Variants in UBE2Q2 observed in about 807,000 individuals in gnomAD.
UBE2Q2 encodes ubiquitin conjugating enzyme E2 Q2.
A neutral mutation model predicts 59.9 loss-of-function variants in UBE2Q2; 54 were observed. The ratio of observed to expected loss-of-function variants is 0.90; its 90% CI spans 0.72 to 1.13. The LOEUF is 1.13. Among genes scored for constraint, UBE2Q2 ranks in the 50% most tolerant of loss-of-function variants. The pLI is 0.00. For synonymous variants in UBE2Q2, 165 were observed against 155.2 expected (o/e 1.06, Z -0.47); for missense variants, 433 against 441.9 (o/e 0.98, Z 0.18).
At chr15:75,863,171 T>TAG (rs1213475278) in intron 3 of UBE2Q2, among the ~76,000 whole-genome samples, 2 of 152,326 alleles carry the variant, frequency 1.3e-5, no homozygotes, top group East Asian at 3.9e-4. Flanking sequence ...TGTCTGAGTC[T>TAG]AGAGCCTCTT....
chr15:75,864,705 T>TG (rs1414143672), intron 3 of UBE2Q2, among the ~76,000 whole-genome samples: 1 of 152,222 alleles, frequency 6.6e-6, no homozygotes, highest in Non-Finnish European at 1.5e-5. Context: ...AAAGTTTTCT[T>TG]TATCTTGATT....
intron 1 of UBE2Q2, chr15:75,844,088 G>T: frequency 7.1e-7 from 1 of 1,416,672 alleles, no homozygotes; most frequent in South Asian, 1.5e-5. Context: ...GGGGCTTCTG[G>T]CCCATCTCGG....
rs151067108 is a variant in UBE2Q2 at position 75,880,753 on chromosome 15, C to G, written c.825+1565C>G. Among the ~76,000 whole-genome samples the G allele has an allele frequency of 3.4e-3, 520 of 152,208 alleles. 4 individuals are homozygous for G. The highest frequency in any genetic ancestry group is 0.012 in the African/African-American group (497 of 41,492). The stretch of plus-strand genomic sequence containing the variant: ...TGACCTCATGGTACACTTCCCTTGG[C>G]CTTCCAAAGTGCTGGGATTACAGGC... On this transcript the variant is annotated intron_variant, in intron 8 of 12. Coordinates refer to ENST00000267938, the MANE Select transcript of UBE2Q2 (RefSeq NM_173469.4).
intron 3 of UBE2Q2, among the ~76,000 whole-genome samples, chr15:75,865,825 G>T (rs1613718): frequency 6.7e-6 from 1 of 149,390 alleles, no homozygotes; most frequent in Non-Finnish European, 1.5e-5. Flanking sequence ...TTTTAACCTA[G>T]AAAGGGTTTA....
intron 9 of UBE2Q2, among the ~76,000 whole-genome samples, chr15:75,889,777 G>A (rs1349166022): frequency 6.6e-6 from 1 of 152,182 alleles, no homozygotes; most frequent in Non-Finnish European, 1.5e-5. Flanking sequence ...AACATTGAAG[G>A]AGAAATGAAA....
At chr15:75,848,353 C>G (rs970048415) in intron 1 of UBE2Q2, among the ~76,000 whole-genome samples, 3 of 152,148 alleles carry the variant, frequency 2.0e-5, no homozygotes, top group African/African-American at 7.2e-5. Context: ...AGGAAATAAA[C>G]CTGGACTAAG....
At chr15:75,856,269 G>GTGTATATATATATATATATATATA (rs1256142539) in intron 2 of UBE2Q2, among the ~76,000 whole-genome samples, 1 of 139,286 alleles carries the variant, frequency 7.2e-6, no homozygotes, top group African/African-American at 2.7e-5. Context: ...GTGTGTGTGT[G>GTGTATATATATATATATATATATA]TATATATATA....
intron 11 of UBE2Q2, 124 bp from the exon 12 acceptor site, chr15:75,896,871 T>G: frequency 2.0e-6 from 1 of 499,080 alleles, no homozygotes; most frequent in Non-Finnish European, 3.5e-6. Context: ...GTTAAAATTG[T>G]TTTTGAAATG....
intron 6 of UBE2Q2, among the ~76,000 whole-genome samples, chr15:75,877,743 A>G (rs574651047): frequency 8.5e-5 from 13 of 152,280 alleles, no homozygotes; most frequent in African/African-American, 2.6e-4. Context: ...CAGTTTTTCA[A>G]CTCATTAAAG....
At chr15:75,895,106 A>C (rs1899327306) in intron 11 of UBE2Q2, 1 of 151,814 alleles carries the variant, frequency 6.6e-6, no homozygotes, top group Non-Finnish European at 1.5e-5. Context: ...GAATGGCGTG[A>C]ACCCGGGAGG....
At chr15:75,850,276 A>G (rs1482325783) in intron 1 of UBE2Q2, among the ~76,000 whole-genome samples, 1 of 152,226 alleles carries the variant, frequency 6.6e-6, no homozygotes, top group Non-Finnish European at 1.5e-5. Context: ...CACTATCAGA[A>G]TTTTGTATCT....
chr15:75,847,290 G>C (rs1896402511), intron 1 of UBE2Q2, among the ~76,000 whole-genome samples: 1 of 152,180 alleles, frequency 6.6e-6, no homozygotes, highest in African/African-American at 2.4e-5. Context: ...AAAGTGCAGA[G>C]ATAACATCAA....
At chr15:75,860,273 T>C (rs923888934) in intron 3 of UBE2Q2, among the ~76,000 whole-genome samples, 2 of 152,204 alleles carry the variant, frequency 1.3e-5, no homozygotes, top group African/African-American at 4.8e-5. Context: ...AGTTTGTCTT[T>C]GGTTATTCAA....
chr15:75,846,272 G>A (rs904664818), intron 1 of UBE2Q2, among the ~76,000 whole-genome samples: 5 of 152,094 alleles, frequency 3.3e-5, no homozygotes, highest in African/African-American at 1.2e-4. Flanking sequence ...GAGTCTCGCT[G>A]TGTCGTCCCA....
intron 3 of UBE2Q2, among the ~76,000 whole-genome samples, chr15:75,861,377 C>T (rs1407158060): frequency 6.6e-6 from 1 of 152,220 alleles, no homozygotes; most frequent in Admixed American, 6.5e-5. Context: ...ATGGCTTTCT[C>T]TCTGGAAGCT....
At chr15:75,879,289 C>A in intron 8 of UBE2Q2, 101 bp downstream of exon 8, 2 of 637,908 alleles carry the variant, frequency 3.1e-6, no homozygotes, top group Non-Finnish European at 5.3e-6. Flanking sequence ...ATACTCATAC[C>A]CTATGGTTCA....
chr15:75,893,594 A>G (rs916047922), intron 11 of UBE2Q2, among the ~76,000 whole-genome samples: 34 of 152,306 alleles, frequency 2.2e-4, no homozygotes, highest in African/African-American at 7.7e-4. Flanking sequence ...ATAATAGACA[A>G]ATATAGACCT....
intron 1 of UBE2Q2, among the ~76,000 whole-genome samples, chr15:75,846,226 A>C (rs938635492): frequency 6.6e-6 from 1 of 152,088 alleles, no homozygotes; most frequent in Non-Finnish European, 1.5e-5. Context: ...TGAAGGTAAA[A>C]GACTCTTTTA....
intron 2 of UBE2Q2, among the ~76,000 whole-genome samples, chr15:75,856,275 A>G (rs1183048126): frequency 0.06 from 8,531 of 141,964 alleles, 511 homozygotes; most frequent in African/African-American, 0.18. Flanking sequence ...GTGTGTATAT[A>G]TATATATATA....
Sources: allele counts gnomAD v4.1 joint callset (sites outside exome capture counted in the v4.1 genomes callset), GRCh38; gene constraint gnomAD v4.1.1; transcripts MANE v1.5; gene names NCBI Gene and HGNC (gene_info 2026-07-23, HGNC 2026-07-21).